The following ERBB4 variants were observed in gnomAD, a reference collection of about 807,000 sequenced individuals.
The protein encoded by ERBB4 is erb-b2 receptor tyrosine kinase 4, also known as receptor tyrosine-protein kinase erbB-4.
Under a neutral mutation model 158.0 loss-of-function variants are expected in ERBB4, and 42 were observed. The observed-to-expected ratio is 0.27, with a 90% CI of 0.21 to 0.34. The LOEUF (loss-of-function observed/expected upper bound fraction) is 0.34. Ranked by LOEUF, ERBB4 falls within the 10% of genes least tolerant of loss-of-function variation. The pLI is 1.00. For missense variants in ERBB4, 1,333 were observed against 1,624.1 expected (o/e 0.82, Z 3.08); for synonymous variants, 583 against 558.7 (o/e 1.04, Z -0.61).
At chr2:212,328,825 T>G (rs1325117806) in intron 1 of ERBB4, among the ~76,000 whole-genome samples, 2 of 152,030 alleles carry the variant, frequency 1.3e-5, no homozygotes, top group Admixed American at 1.3e-4. Context: ...ACATAAAAAT[T>G]TAGTTTCATT....
intron 20 of ERBB4, among the ~76,000 whole-genome samples, chr2:211,543,929 A>C (rs977331426): frequency 2.6e-5 from 4 of 151,966 alleles, no homozygotes; most frequent in African/African-American, 9.7e-5. Context: ...TTGTGGCCAG[A>C]TACCTCAGGG....
Position 211,837,016 on chromosome 2 carries a change from A to G in ERBB4, c.422-48857T>C, listed in dbSNP as rs966964120. Among the ~76,000 whole-genome samples, 34 of 152,236 alleles carry G rather than the reference A, an allele frequency of 2.2e-4. No homozygotes were observed. The East Asian group carries it at 5.4e-3, about 24-fold the overall frequency. On this transcript the variant is annotated intron_variant, in intron 3 of 27. Coordinates refer to ENST00000342788, the MANE Select transcript of ERBB4 (RefSeq NM_005235.3). ...TAGGCAATAGAAGAAAAATGCCATT[A>G]AGCAACTTTTAAAACTTCTTTTATG...
intron 1 of ERBB4, among the ~76,000 whole-genome samples, chr2:212,452,888 T>C (rs1412237644): frequency 6.6e-6 from 1 of 152,144 alleles, no homozygotes; most frequent in Non-Finnish European, 1.5e-5. Context: ...TTCAAGGAAA[T>C]GTAAAAGGTA....
chr2:211,932,928 G>A (rs1244177503), intron 3 of ERBB4, among the ~76,000 whole-genome samples: 1 of 151,858 alleles, frequency 6.6e-6, no homozygotes, highest in East Asian at 1.9e-4. Flanking sequence ...TGAACCAAAA[G>A]TAACAGAAGT....
At chr2:212,248,010 T>A (rs1472097187) in intron 1 of ERBB4, among the ~76,000 whole-genome samples, 1 of 152,126 alleles carries the variant, frequency 6.6e-6, no homozygotes, top group African/African-American at 2.4e-5. Context: ...AAGCAAATTA[T>A]CTACAGTGAT....
intron 2 of ERBB4, among the ~76,000 whole-genome samples, chr2:211,989,673 C>T (rs1469799027): frequency 6.6e-6 from 1 of 151,824 alleles, no homozygotes; most frequent in Non-Finnish European, 1.5e-5. Flanking sequence ...AGGTGATTTG[C>T]TATGATATTA....
At chr2:211,695,550 T>C (rs2072984602) in intron 12 of ERBB4, among the ~76,000 whole-genome samples, 1 of 152,158 alleles carries the variant, frequency 6.6e-6, no homozygotes, top group Non-Finnish European at 1.5e-5. Flanking sequence ...GAAAAATAAA[T>C]ATATTTCAAG....
At chr2:211,455,801 C>T (rs542406290) in intron 20 of ERBB4, among the ~76,000 whole-genome samples, 99 of 152,260 alleles carry the variant, frequency 6.5e-4, no homozygotes, top group African/African-American at 2.3e-3. Flanking sequence ...AGAGCTTCTT[C>T]GTGTCCTCTC....
At chr2:212,296,686 C>G (rs2086424691) in intron 1 of ERBB4, among the ~76,000 whole-genome samples, 1 of 151,890 alleles carries the variant, frequency 6.6e-6, no homozygotes, top group South Asian at 2.1e-4. Context: ...TGGCTTCAAT[C>G]TGAATGTAGA....
chr2:212,057,876 G>A (rs566475950), intron 2 of ERBB4, among the ~76,000 whole-genome samples: 46 of 152,222 alleles, frequency 3.0e-4, no homozygotes, highest in African/African-American at 7.7e-4. Flanking sequence ...AAGAACTGGA[G>A]AAGCAAGAGC....
chr2:212,145,607 T>C (rs7573642), intron 1 of ERBB4, among the ~76,000 whole-genome samples: 2 of 151,650 alleles, frequency 1.3e-5, no homozygotes, highest in Non-Finnish European at 2.9e-5. Flanking sequence ...GACTTAAGAG[T>C]CACCCAGTCC....
intron 20 of ERBB4, among the ~76,000 whole-genome samples, chr2:211,525,184 A>G (rs905006210): frequency 1.3e-5 from 2 of 152,144 alleles, no homozygotes; most frequent in African/African-American, 4.8e-5. Context: ...TCGGGGGCAC[A>G]TGACCTACTA....
rs915309667 is a variant in ERBB4, at chr2:211,759,459, C to G, written c.557-8755G>C. 3.9e-5 allele frequency among the ~76,000 whole-genome samples: 6 copies of G among 152,142 alleles called. No individual in the cohort carries two copies. The South Asian group carries it at 1.2e-3, about 32-fold the overall frequency. On this transcript the variant is annotated intron_variant, in intron 4 of 27. Coordinates refer to ENST00000342788, the MANE Select transcript of ERBB4 (RefSeq NM_005235.3). ...TCTTCAAGGACCTACAACACGTAGC[C>G]CTCTCCTCCCTGCCTCAGTATTTTC...
intron 2 of ERBB4, among the ~76,000 whole-genome samples, chr2:212,016,826 A>T (rs145269517): frequency 6.6e-6 from 1 of 152,102 alleles, no homozygotes; most frequent in East Asian, 1.9e-4. Context: ...TCATTTTCTC[A>T]TCCATAAAAT....
At chr2:212,199,243 C>A (rs776716943) in intron 1 of ERBB4, among the ~76,000 whole-genome samples, 2 of 152,138 alleles carry the variant, frequency 1.3e-5, no homozygotes, top group Non-Finnish European at 2.9e-5. Context: ...ATCACAGATA[C>A]GTACTTTGAC....
chr2:212,408,448 C>T (rs1022537238), intron 1 of ERBB4, among the ~76,000 whole-genome samples: 2 of 152,112 alleles, frequency 1.3e-5, no homozygotes, highest in African/African-American at 4.8e-5. Context: ...CCAAACATTG[C>T]CATATACTGG....
intron 3 of ERBB4, among the ~76,000 whole-genome samples, chr2:211,842,911 A>G (rs2077506730): frequency 6.6e-6 from 1 of 152,118 alleles, no homozygotes; most frequent in Non-Finnish European, 1.5e-5. Context: ...CATTATTCTT[A>G]CAAACAAATC....
intron 2 of ERBB4, among the ~76,000 whole-genome samples, chr2:212,056,667 C>T (rs1252870208): frequency 6.6e-6 from 1 of 152,146 alleles, no homozygotes; most frequent in Non-Finnish European, 1.5e-5. Flanking sequence ...AATTTCATAT[C>T]CAGCCAAACT....
At chr2:212,460,957 G>C (rs1262567274) in intron 1 of ERBB4, among the ~76,000 whole-genome samples, 1 of 152,200 alleles carries the variant, frequency 6.6e-6, no homozygotes, top group East Asian at 1.9e-4. Context: ...GCTGTTTGCA[G>C]CCTAGGGAGT....
Sources: gnomAD v4.1 joint callset for allele counts (sites outside exome capture counted in the v4.1 genomes callset) on GRCh38, gnomAD v4.1.1 for gene constraint, MANE v1.5 for transcripts, NCBI Gene and HGNC (gene_info 2026-07-23, HGNC 2026-07-21) for gene names.